The following GSTO1 variants were observed in gnomAD, a reference collection of about 807,000 sequenced individuals.
GSTO1 encodes glutathione S-transferase omega-1.
GSTO1 carries 27 observed loss-of-function variants against 23.8 expected under a neutral mutation model. The observed-to-expected ratio is 1.13, with a 90% CI of 0.83 to 1.56. The LOEUF (loss-of-function observed/expected upper bound fraction) is 1.56. GSTO1 is among the 40% of genes most tolerant of loss of function. The probability of loss-of-function intolerance (pLI) is 0.00; values close to 1 mark genes in which losing one functional copy is unlikely to be tolerated. For missense variants in GSTO1, 255 were observed against 285.8 expected (o/e 0.89, Z 0.78); for synonymous variants, 105 against 109.3 (o/e 0.96, Z 0.25).
At chr10:104,260,777 T>C (rs7100871) in intron 3 of GSTO1, among the ~76,000 whole-genome samples, 11,225 of 152,188 alleles carry the variant, frequency 0.074, 1,386 homozygotes, top group African/African-American at 0.26. Context: ...GAGAGAGTTA[T>C]AGGGAAAACA....
chr10:104,254,782 C>A, upstream of GSTO1: 1 of 730,484 alleles, frequency 1.4e-6, no homozygotes, highest in Admixed American at 2.0e-5. Context: ...GCCGGGAAGG[C>A]ACAACGGGTG....
intron 2 of GSTO1, among the ~76,000 whole-genome samples, chr10:104,257,003 T>C (rs1025738724): frequency 9.9e-5 from 15 of 152,118 alleles, no homozygotes; most frequent in Non-Finnish European, 7.4e-5. Context: ...TTTGTTTACA[T>C]GGGGGATTAT....
Position 104,255,290 on chromosome 10 carries a change from G to T in GSTO1, c.143+19G>T. The T allele has an allele frequency of 1.3e-6, 2 of 1,539,364 alleles. No individual in the cohort carries two copies. Among genetic ancestry groups the T allele is most frequent in the Non-Finnish European group, 1.8e-6 (2 of 1,112,264 alleles). On this transcript the variant is annotated intron_variant, in intron 2 of 5. Coordinates refer to ENST00000369713, the MANE Select transcript of GSTO1 (RefSeq NM_004832.3). Reference sequence around the variant, plus strand: ...GAATCAGGTGGGCACCCAGGCGGGGGACGCTCCCCGAGCCGTCCGGGAGCC... The same window carrying T: ...GAATCAGGTGGGCACCCAGGCGGGGTACGCTCCCCGAGCCGTCCGGGAGCC...
At chr10:104,255,883 G>A (rs1042866671) in intron 2 of GSTO1, among the ~76,000 whole-genome samples, 1 of 152,176 alleles carries the variant, frequency 6.6e-6, no homozygotes, top group African/African-American at 2.4e-5. Context: ...GCTATCCACA[G>A]GATATGTGCA....
At chr10:104,260,599 G>A (rs903250813) in intron 3 of GSTO1, among the ~76,000 whole-genome samples, 3 of 152,152 alleles carry the variant, frequency 2.0e-5, no homozygotes, top group African/African-American at 7.2e-5. Context: ...TCAACACTGT[G>A]GATTAGTTCA....
At chr10:104,262,743 C>A (rs1271254056) in intron 3 of GSTO1, among the ~76,000 whole-genome samples, 1 of 152,108 alleles carries the variant, frequency 6.6e-6, no homozygotes, top group Non-Finnish European at 1.5e-5. Context: ...CTTAAACGTG[C>A]CAGGGTAGCT....
At chr10:104,256,666 C>G (rs2091604304) in intron 2 of GSTO1, among the ~76,000 whole-genome samples, 1 of 152,156 alleles carries the variant, frequency 6.6e-6, no homozygotes, top group Non-Finnish European at 1.5e-5. Flanking sequence ...TATGACTTAA[C>G]AAAGCATGGT....
intron 4 of GSTO1, among the ~76,000 whole-genome samples, chr10:104,264,927 G>A (rs2011167082): frequency 6.6e-6 from 1 of 152,172 alleles, no homozygotes; most frequent in South Asian, 2.1e-4. Context: ...AGCATTGGTT[G>A]TTTACTCTCT....
At position 104,263,050 on chromosome 10, in the gene GSTO1, T is replaced by A. The variant is rs746500935; in HGVS notation, c.438T>A (p.Phe146Leu). Residue 146 changes from phenylalanine (F) to leucine (L), a missense_variant, in exon 4 of 6, where the codon TTT (phenylalanine) becomes TTA (leucine). Physicochemically the swap from Phe to Leu is conservative, Grantham distance 22. Coordinates refer to ENST00000369713, the MANE Select transcript of GSTO1 (RefSeq NM_004832.3). ...KEDYAGLKEEFRKEFTKLEEV... is the reference protein window; with the variant it reads ...KEDYAGLKEELRKEFTKLEEV... ...ACTATGCTGGCCTAAAAGAAGAATT[T>A]CGTAAAGAATTTACCAAGCTAGAGG... is the stretch of plus-strand genomic sequence containing the variant. 1 of 1,508,862 alleles carries A rather than the reference T, an allele frequency of 6.6e-7. No individual in the cohort carries two copies. The highest frequency in any genetic ancestry group is 9.2e-7 in the Non-Finnish European group (1 of 1,086,138). The allele number at this position is 1,508,862 out of a possible 1,614,324, so 93.5% of individuals were successfully genotyped here. A position where few individuals can be genotyped will look rare whatever the true frequency, so the allele number is the denominator to read the frequency against.
intron 5 of GSTO1, among the ~76,000 whole-genome samples, 178 bp from the exon 6 acceptor site, chr10:104,267,074 A>G (rs1005017902): frequency 1.3e-5 from 2 of 152,244 alleles, no homozygotes; most frequent in African/African-American, 2.4e-5. Context: ...TGTGTAAAAA[A>G]GGGACCTCTA....
In GSTO1 at chr10:104,263,018, AAAG is replaced by A. The variant is rs1303647082; in HGVS notation, c.411_413del (p.Glu137del). 4 of 1,551,954 alleles carry A rather than the reference AAAG, an allele frequency of 2.6e-6. No individual in the cohort carries two copies. In the African/African-American group the frequency reaches 4.1e-5, roughly 16 times the overall value. On this transcript the variant is annotated inframe_deletion, in exon 4 of 6. Coordinates refer to ENST00000369713, the MANE Select transcript of GSTO1 (RefSeq NM_004832.3). ...AGGAAGCTTTATTAGAAGCCAAAATAAAGAAGACTATGCTGGCCTAAAAGAAGA... is the reference window on the plus strand; with the variant it reads ...AGGAAGCTTTATTAGAAGCCAAAATAAAGACTATGCTGGCCTAAAAGAAGA...
chr10:104,264,174 C>T (rs1427826012), intron 4 of GSTO1, among the ~76,000 whole-genome samples: 4 of 152,070 alleles, frequency 2.6e-5, no homozygotes, highest in East Asian at 1.9e-4. Context: ...TAGGGACTAG[C>T]GGTTTCTTTA....
chr10:104,262,030 T>C (rs2011142966), intron 3 of GSTO1, among the ~76,000 whole-genome samples: 1 of 149,108 alleles, frequency 6.7e-6, no homozygotes, highest in South Asian at 2.1e-4. Context: ...ACCTAGGCTC[T>C]TCCTGTCAGA....
Position 104,259,755 on chromosome 10 carries a change from A to T in GSTO1, c.323A>T (p.Tyr108Phe). Reference sequence around the variant, plus strand: ...AAGAAGCTGTTGCCGGATGACCCCTATGAGAAAGCTTGCCAGAAGATGATC... The same window carrying T: ...AAGAAGCTGTTGCCGGATGACCCCTTTGAGAAAGCTTGCCAGAAGATGATC... ...PGKKLLPDDP[Y>F]EKACQKMILE... Residue 108 changes from tyrosine (Y) to phenylalanine (F), a missense_variant, in exon 3 of 6, where the codon TAT becomes TTT. Coordinates refer to ENST00000369713, the MANE Select transcript of GSTO1 (RefSeq NM_004832.3). 1 of 1,613,854 alleles carries T rather than the reference A, an allele frequency of 6.2e-7. No individual in the cohort carries two copies. The highest frequency in any genetic ancestry group is 8.5e-7 in the Non-Finnish European group (1 of 1,179,726).
chr10:104,260,330 G>A (rs2011128635), intron 3 of GSTO1, among the ~76,000 whole-genome samples: 1 of 152,126 alleles, frequency 6.6e-6, no homozygotes, highest in Non-Finnish European at 1.5e-5. Context: ...CTACTTTCTT[G>A]TGACTCTGAG....
chr10:104,255,319 T>A, intron 2 of GSTO1, 48 bp downstream of exon 2: 1 of 1,298,582 alleles, frequency 7.7e-7, no homozygotes, highest in Non-Finnish European at 1.1e-6. Context: ...GGGAGCCTGC[T>A]GCAGGCGGCG....
intron 5 of GSTO1, 134 bp from the exon 6 acceptor site, chr10:104,267,118 C>G (rs986190754): frequency 3.6e-6 from 2 of 550,294 alleles, no homozygotes; most frequent in Non-Finnish European, 6.3e-6. Flanking sequence ...CTATTACAGG[C>G]ATTTTTAAAT....
intron 3 of GSTO1, 29 bp downstream of exon 3, chr10:104,259,827 T>C: frequency 6.8e-7 from 1 of 1,470,120 alleles, no homozygotes; most frequent in Non-Finnish European, 9.5e-7. Context: ...TCAGCTCCTA[T>C]TTGAAAAACC....
intron 2 of GSTO1, among the ~76,000 whole-genome samples, chr10:104,257,578 C>T (rs945405912): frequency 6.6e-6 from 1 of 152,004 alleles, no homozygotes; most frequent in African/African-American, 2.4e-5. Context: ...TGGGTTTAAG[C>T]AATCCGCCCA....
Sources: allele counts gnomAD v4.1 joint callset (sites outside exome capture counted in the v4.1 genomes callset), GRCh38; gene constraint gnomAD v4.1.1; transcripts MANE v1.5; gene names NCBI Gene and HGNC (gene_info 2026-07-23, HGNC 2026-07-21).